The following EML1 variants were observed in gnomAD, a reference collection of about 807,000 sequenced individuals.
EML1 encodes EMAP like 1.
In EML1, 27 loss-of-function variants were observed where a neutral mutation model predicts 110.4. The ratio of observed to expected loss-of-function variants is 0.24; its 90% CI spans 0.18 to 0.34. EML1 has a LOEUF of 0.34. Among genes scored for constraint, EML1 ranks in the 10% least tolerant of loss-of-function variants. The pLI is 1.00. For missense variants in EML1, 741 were observed against 1,030.9 expected, an observed-to-expected ratio of 0.72 and a Z score of 3.85; for synonymous variants, 344 against 385.8, an observed-to-expected ratio of 0.89 and a Z score of 1.27.
intron 1 of EML1, among the ~76,000 whole-genome samples, chr14:99,741,635 C>A (rs868319197): frequency 0.02 from 3,117 of 152,198 alleles, 102 homozygotes; most frequent in African/African-American, 0.071. Context: ...CCCACCCCCC[C>A]CCAGACCTCA....
chr14:99,739,065 A>AGAGT (rs1555385383), intron 1 of EML1, among the ~76,000 whole-genome samples: 2 of 138,918 alleles, frequency 1.4e-5, no homozygotes, highest in Non-Finnish European at 3.1e-5. Context: ...AGAGTGTGAG[A>AGAGT]GTGTGTGTGT....
intron 17 of EML1, among the ~76,000 whole-genome samples, chr14:99,925,692 C>T (rs760348852): frequency 1.3e-5 from 2 of 152,192 alleles, no homozygotes; most frequent in Non-Finnish European, 2.9e-5. Flanking sequence ...GTTTCCATGT[C>T]GGCCTGGCTT....
At chr14:99,768,864 C>A (rs1168973706), upstream of EML1, among the ~76,000 whole-genome samples, 1 of 152,006 alleles carries the variant, frequency 6.6e-6, no homozygotes, top group African/African-American at 2.4e-5. Context: ...ATTACAGGCA[C>A]CCGCCACCAT....
At chr14:99,874,325 AAAC>A (rs1431322187) in intron 3 of EML1, among the ~76,000 whole-genome samples, 1 of 152,248 alleles carries the variant, frequency 6.6e-6, no homozygotes, top group Non-Finnish European at 1.5e-5. Flanking sequence ...GCAGAAGGGA[AAAC>A]AAAATAAGTG....
At chr14:99,851,855 C>G (rs1159224105) in intron 2 of EML1, among the ~76,000 whole-genome samples, 2 of 152,116 alleles carry the variant, frequency 1.3e-5, no homozygotes, top group African/African-American at 2.4e-5. Flanking sequence ...AGCTCAGAGT[C>G]CTATGTTATC....
chr14:99,809,020 C>T (rs887090667), intron 1 of EML1, among the ~76,000 whole-genome samples: 29 of 152,078 alleles, frequency 1.9e-4, no homozygotes, highest in African/African-American at 6.3e-4. Flanking sequence ...CTAGGTCTCC[C>T]GAAAAAAACC....
At chr14:99,864,295 T>C (rs961314057) in intron 2 of EML1, among the ~76,000 whole-genome samples, 1 of 152,240 alleles carries the variant, frequency 6.6e-6, no homozygotes, top group Non-Finnish European at 1.5e-5. Context: ...ATGCCTTGTA[T>C]TTTAATCCTC....
intron 1 of EML1, among the ~76,000 whole-genome samples, chr14:99,741,916 G>A (rs1205893230): frequency 3.3e-5 from 5 of 152,206 alleles, no homozygotes; most frequent in Non-Finnish European, 7.4e-5. Flanking sequence ...CTGGTGAATC[G>A]TGCCAACGTG....
chr14:99,895,711 G>T (rs1245168649), intron 6 of EML1, among the ~76,000 whole-genome samples: 1 of 151,324 alleles, frequency 6.6e-6, no homozygotes, highest in Non-Finnish European at 1.5e-5. Flanking sequence ...AATGAAGGGA[G>T]TCAAGTGAAT....
chr14:99,929,293 C>A (rs1487338385), intron 17 of EML1, among the ~76,000 whole-genome samples: 1 of 152,178 alleles, frequency 6.6e-6, no homozygotes, highest in Non-Finnish European at 1.5e-5. Flanking sequence ...TCAGAGCAGA[C>A]AGTGAGTTAC....
intron 17 of EML1, among the ~76,000 whole-genome samples, chr14:99,931,946 C>T (rs1273148016): frequency 6.6e-6 from 1 of 152,156 alleles, no homozygotes; most frequent in Non-Finnish European, 1.5e-5. Context: ...TGTCGGGGGC[C>T]AGGGGCTGGG....
chr14:99,752,540 C>G (rs896845046), intron 1 of EML1, among the ~76,000 whole-genome samples: 1 of 152,256 alleles, frequency 6.6e-6, no homozygotes, highest in African/African-American at 2.4e-5. Context: ...TCCTGGTCCC[C>G]TGGGTGCAGG....
rs2059823993 is a variant in EML1 at position 99,905,176 on chromosome 14, GC to G, written c.1009-2460del. On this transcript the variant is annotated intron_variant, in intron 9 of 21. Transcript: ENST00000262233. This position sits in a 1 kb window ranked among gnomAD's most constrained non-coding sequence, Gnocchi z 4.1. ...AGCTGGCTGCACCACAGCCCTAGGG[GC>G]CAAGCCACATCATAAAGGAAAATTA... Among the ~76,000 whole-genome samples the G allele has an allele frequency of 6.6e-6, 1 of 152,108 alleles. No individual in the cohort carries two copies. The highest frequency in any genetic ancestry group is 6.5e-5 in the Admixed American group (1 of 15,274).
intron 2 of EML1, among the ~76,000 whole-genome samples, chr14:99,865,280 G>C (rs2059076379): frequency 6.6e-6 from 1 of 152,162 alleles, no homozygotes; most frequent in African/African-American, 2.4e-5. Flanking sequence ...CAGTTCACAA[G>C]AGTTTGCACT....
At chr14:99,772,215 A>G (rs777476472), upstream of EML1, among the ~76,000 whole-genome samples, 7 of 152,216 alleles carry the variant, frequency 4.6e-5, no homozygotes, top group Non-Finnish European at 7.3e-5. Flanking sequence ...AAACTTTGTG[A>G]CACTTGTAGA....
rs1176064331 is a variant in EML1, at chr14:99,917,790, T to C, written c.1761T>C (p.Ala587=). 1.2e-6 allele frequency: 2 copies of C among 1,614,210 alleles called. No individual in the cohort carries two copies. Among genetic ancestry groups the C allele is most frequent in the South Asian group, 1.1e-5 (1 of 91,084 alleles). The stretch of plus-strand genomic sequence containing the variant: ...CCTTTAAAATATTTTAGGATCCAGC[T>C]CAGTCTTCTGGTTTTCATCCTTCAG... ...PVWDKIIEDP[A]QSSGFHPSGS... The change falls in exon 16 of 22, where the codon GCT becomes GCC. Residue 587 remains alanine, a synonymous_variant. Transcript: ENST00000262233.
intron 1 of EML1, among the ~76,000 whole-genome samples, chr14:99,844,476 CAAAAA>C (rs71113228): frequency 3.2e-4 from 43 of 136,414 alleles, no homozygotes; most frequent in East Asian, 6.5e-4. Context: ...GAGACTTTGT[CAAAAA>C]AAAAAAAAAA....
At chr14:99,761,963 A>C (rs2057319048) in intron 1 of EML1, among the ~76,000 whole-genome samples, 2 of 151,462 alleles carry the variant, frequency 1.3e-5, no homozygotes, top group South Asian at 4.2e-4. Flanking sequence ...GGGCAAAATG[A>C]CATGAAATTT....
intron 17 of EML1, among the ~76,000 whole-genome samples, chr14:99,925,275 CTTTTTTT>C (rs972066503): frequency 7.4e-5 from 10 of 136,054 alleles, no homozygotes; most frequent in African/African-American, 1.3e-4. Context: ...TTTCTTTTTT[CTTTTTTT>C]TTTTTTTTTG....
Sources: allele counts gnomAD v4.1 joint callset (sites outside exome capture counted in the v4.1 genomes callset), GRCh38; gene constraint gnomAD v4.1.1; non-coding constraint Gnocchi (gnomAD v3.1); transcripts MANE v1.5; gene names NCBI Gene and HGNC (gene_info 2026-07-23, HGNC 2026-07-21).